LRP1B: variants seen among roughly 807,000 people sequenced by gnomAD.
LRP1B encodes the protein low-density lipoprotein receptor-related protein 1B.
A neutral mutation model predicts 556.6 loss-of-function variants in LRP1B; 217 were observed. The observed-to-expected ratio is 0.39, with a 90% CI of 0.35 to 0.44. LRP1B has a LOEUF of 0.44. Ranked by LOEUF, LRP1B falls within the 20% of genes least tolerant of loss-of-function variation. The pLI, the probability that LRP1B is intolerant of heterozygous loss-of-function variation, is 1.00. For missense variants in LRP1B, 5,053 were observed against 5,620.8 expected, an observed-to-expected ratio of 0.90 and a Z score of 3.23; for synonymous variants, 2,047 against 1,865.8, an observed-to-expected ratio of 1.10 and a Z score of -2.50.
intron 1 of LRP1B, among the ~76,000 whole-genome samples, chr2:141,903,805 A>C (rs1699686147): frequency 2.0e-5 from 3 of 151,970 alleles, no homozygotes; most frequent in Admixed American, 2.0e-4. Context: ...TTTACTAAAC[A>C]GTATTATAAA....
At chr2:140,271,402 C>T (rs1309631207) in intron 85 of LRP1B, among the ~76,000 whole-genome samples, 8 of 151,860 alleles carry the variant, frequency 5.3e-5, no homozygotes, top group African/African-American at 1.9e-4. Flanking sequence ...CTTTGATCCT[C>T]CCCATGATGG....
intron 84 of LRP1B, among the ~76,000 whole-genome samples, chr2:140,289,624 A>T (rs1420245697): frequency 6.6e-6 from 1 of 151,672 alleles, no homozygotes; most frequent in Non-Finnish European, 1.5e-5. Context: ...TAATGAAGGC[A>T]TAACATTAAA....
At chr2:141,080,684 G>A (rs909523066) in intron 7 of LRP1B, among the ~76,000 whole-genome samples, 1 of 152,266 alleles carries the variant, frequency 6.6e-6, no homozygotes, top group Middle Eastern at 3.4e-3. Context: ...ATTGACCTGC[G>A]TTTTAATTTC....
intron 68 of LRP1B, among the ~76,000 whole-genome samples, chr2:140,373,926 GTTCT>G (rs1247288851): frequency 1.1e-4 from 16 of 152,292 alleles, no homozygotes; most frequent in African/African-American, 3.1e-4. Context: ...TTCCCCTGGT[GTTCT>G]TTCTTTCTCC....
intron 23 of LRP1B, among the ~76,000 whole-genome samples, chr2:140,892,600 C>T (rs72990116): frequency 6.6e-6 from 1 of 152,132 alleles, no homozygotes; most frequent in Admixed American, 6.5e-5. Context: ...GACAGTGCAA[C>T]CACTCTGAAG....
intron 1 of LRP1B, among the ~76,000 whole-genome samples, chr2:141,819,509 A>T (rs1696684212): frequency 6.6e-6 from 1 of 152,202 alleles, no homozygotes; most frequent in Non-Finnish European, 1.5e-5. Context: ...CATCTTAAAC[A>T]TCGCATGTTC....
chr2:141,255,351 T>C (rs1684420659), intron 3 of LRP1B, among the ~76,000 whole-genome samples: 1 of 152,068 alleles, frequency 6.6e-6, no homozygotes. Context: ...TAGATTGCTA[T>C]GATACTGTTG....
At chr2:140,654,045 A>AC (rs1419402246) in intron 41 of LRP1B, among the ~76,000 whole-genome samples, 26 of 149,952 alleles carry the variant, frequency 1.7e-4, no homozygotes, top group African/African-American at 6.3e-4. Context: ...AAAAAAAAAA[A>AC]AAAAAAGAGA....
chr2:140,771,237 C>G (rs1002773361), intron 33 of LRP1B, among the ~76,000 whole-genome samples: 2 of 151,932 alleles, frequency 1.3e-5, no homozygotes, highest in African/African-American at 4.8e-5. Flanking sequence ...TTAATAGTTA[C>G]AGAAAAGCAA....
At chr2:142,093,335 C>T (rs1363768269) in intron 1 of LRP1B, among the ~76,000 whole-genome samples, 2 of 152,166 alleles carry the variant, frequency 1.3e-5, no homozygotes, top group East Asian at 1.9e-4. Context: ...TTACTGACCA[C>T]AAAATGTGTG....
intron 66 of LRP1B, among the ~76,000 whole-genome samples, chr2:140,397,305 T>G (rs1416244231): frequency 6.6e-6 from 1 of 152,112 alleles, no homozygotes; most frequent in Non-Finnish European, 1.5e-5. Context: ...AAGCCCAGCA[T>G]GCATTAGCTA....
chr2:140,861,381 TGA>T (rs1355772646), intron 27 of LRP1B, among the ~76,000 whole-genome samples: 1 of 152,178 alleles, frequency 6.6e-6, no homozygotes, highest in South Asian at 2.1e-4. Flanking sequence ...CACTCCAGCC[TGA>T]GAGACAGAGT....
intron 84 of LRP1B, among the ~76,000 whole-genome samples, chr2:140,276,842 A>G (rs1486799622): frequency 6.6e-6 from 1 of 151,918 alleles, no homozygotes; most frequent in East Asian, 1.9e-4. Flanking sequence ...TGAAAATTCC[A>G]GTGCCGTTCC....
chr2:141,328,593 C>T (rs1687517546), intron 3 of LRP1B, among the ~76,000 whole-genome samples: 1 of 152,180 alleles, frequency 6.6e-6, no homozygotes, highest in South Asian at 2.1e-4. Context: ...ATCTGATTTG[C>T]AAGAGAGCTC....
chr2:141,406,547 CATCTATCTATCTATCT>C (rs71982875), intron 3 of LRP1B, among the ~76,000 whole-genome samples: 62 of 149,310 alleles, frequency 4.2e-4, no homozygotes, highest in African/African-American at 1.0e-3. Context: ...ATCTATCTAT[CATCTATCTATCTATCT>C]ATCTATCTAT....
intron 7 of LRP1B, among the ~76,000 whole-genome samples, chr2:141,123,607 G>C (rs59775704): frequency 0.015 from 2,252 of 152,152 alleles, 63 homozygotes; most frequent in African/African-American, 0.052. Flanking sequence ...GTTATATTTT[G>C]TTTGGGAGCT....
chr2:141,420,144 T>C (rs1040766388), intron 3 of LRP1B, among the ~76,000 whole-genome samples: 6 of 152,196 alleles, frequency 3.9e-5, no homozygotes, highest in Admixed American at 2.6e-4. Context: ...TTACTATTTC[T>C]CCTTTCAGTT....
chr2:141,335,781 A>C (rs56372441), intron 3 of LRP1B, among the ~76,000 whole-genome samples: 7,801 of 152,244 alleles, frequency 0.051, 652 homozygotes, highest in African/African-American at 0.17. Context: ...AGGGAGGGAC[A>C]CAGAGATGGA....
chr2:141,364,287 A>ACACC (rs1260919532), intron 3 of LRP1B, among the ~76,000 whole-genome samples: 3 of 151,854 alleles, frequency 2.0e-5, no homozygotes, highest in African/African-American at 7.3e-5. Context: ...ACACACACAC[A>ACACC]CACACACGCA....
Sources: gnomAD v4.1 joint callset for allele counts (sites outside exome capture counted in the v4.1 genomes callset) on GRCh38, gnomAD v4.1.1 for gene constraint, MANE v1.5 for transcripts, NCBI Gene and HGNC (gene_info 2026-07-23, HGNC 2026-07-21) for gene names.